NPY2R: variants seen among roughly 807,000 people sequenced by gnomAD.
NPY2R encodes neuropeptide Y receptor type 2.
In NPY2R, 17 loss-of-function variants were observed where a neutral mutation model predicts 22.3. The ratio of observed to expected loss-of-function variants is 0.76; its 90% CI spans 0.52 to 1.14. The LOEUF (loss-of-function observed/expected upper bound fraction) is 1.14, where lower values mean the gene tolerates loss of function less well. Ranked by LOEUF, NPY2R falls within the 50% of genes most tolerant of loss-of-function variation. The pLI is 0.00. For synonymous variants in NPY2R, 209 were observed against 183.4 expected, an observed-to-expected ratio of 1.14 and a Z score of -1.13; for missense variants, 424 against 467.9, an observed-to-expected ratio of 0.91 and a Z score of 0.87.
At chr4:155,190,609 A>G in the NPY2R span, among the ~76,000 whole-genome samples, 1 of 152,006 alleles carries the variant, frequency 6.6e-6, no homozygotes, top group Non-Finnish European at 1.5e-5. Context: ...TGAAATGTAT[A>G]ATTTCTGTAC....
the NPY2R span, among the ~76,000 whole-genome samples, chr4:155,199,126 A>G: frequency 6.6e-6 from 1 of 151,992 alleles, no homozygotes; most frequent in African/African-American, 2.4e-5. Flanking sequence ...AAGTGCACAC[A>G]TTGTAAATAC....
the NPY2R span, among the ~76,000 whole-genome samples, chr4:155,182,342 A>G: frequency 1.3e-5 from 2 of 152,326 alleles, no homozygotes; most frequent in East Asian, 3.9e-4. Flanking sequence ...AACTACCCCT[A>G]AAAGCAATAT....
chr4:155,174,076 AT>A, the NPY2R span: 1 of 151,916 alleles, frequency 6.6e-6, no homozygotes, highest in Non-Finnish European at 1.5e-5. Flanking sequence ...TCTGTAGGTG[AT>A]TCATTTACTC....
At chr4:155,187,972 G>A in the NPY2R span, among the ~76,000 whole-genome samples, 1 of 152,090 alleles carries the variant, frequency 6.6e-6, no homozygotes, top group Non-Finnish European at 1.5e-5. Flanking sequence ...TCAACAGTGA[G>A]CAGAATGAAG....
chr4:155,214,817 T>C lies in NPY2R; in HGVS notation c.878T>C (p.Ile293Thr), dbSNP rs773802157. The C allele has an allele frequency of 7.4e-6, 12 of 1,611,994 alleles. No homozygotes were observed. The highest frequency in any genetic ancestry group is 1.1e-5 in the South Asian group (1 of 90,976). ...CATGCCTTCCAGCTTGCCGTTGACA[T>C]TGACAGCCAGGTCCTGGACCTGAAG... ...PLHAFQLAVD[I>T]DSQVLDLKEY... The change falls in exon 2 of 2, where the codon ATT (isoleucine) becomes ACT (threonine). Residue 293 changes from isoleucine to threonine, a missense_variant. Physicochemically the swap from Ile to Thr is moderately conservative, Grantham distance 89. Coordinates refer to ENST00000329476, the MANE Select transcript of NPY2R (RefSeq NM_000910.4).
the NPY2R span, among the ~76,000 whole-genome samples, chr4:155,194,998 A>AT: frequency 5.9e-5 from 9 of 151,788 alleles, no homozygotes; most frequent in South Asian, 8.3e-4. Flanking sequence ...CATTTTGGGC[A>AT]TTTTTTTCAC....
At chr4:155,191,734 C>A in the NPY2R span, among the ~76,000 whole-genome samples, 3 of 151,852 alleles carry the variant, frequency 2.0e-5, no homozygotes, top group African/African-American at 7.2e-5. Flanking sequence ...CTTTGCTGGA[C>A]TAAATTTATG....
the NPY2R span, among the ~76,000 whole-genome samples, chr4:155,179,527 G>A: frequency 6.6e-6 from 1 of 152,082 alleles, no homozygotes; most frequent in Non-Finnish European, 1.5e-5. Context: ...AGCAATTTAG[G>A]ATCTTCACTG....
the NPY2R span, among the ~76,000 whole-genome samples, chr4:155,196,457 C>A: frequency 8.6e-5 from 13 of 151,826 alleles, no homozygotes; most frequent in African/African-American, 3.1e-4. Flanking sequence ...ATCATGGGCT[C>A]AACGGGACTG....
intron 1 of NPY2R, 60 bp downstream of exon 1, chr4:155,209,129 C>A (rs1729348426): frequency 6.6e-6 from 1 of 152,244 alleles, no homozygotes; most frequent in African/African-American, 2.4e-5. Context: ...TAGAGGAGCG[C>A]TCGGTTCCTA....
the NPY2R span, among the ~76,000 whole-genome samples, chr4:155,175,842 G>GA: frequency 6.6e-6 from 1 of 151,580 alleles, no homozygotes; most frequent in African/African-American, 2.4e-5. Context: ...AGAAAGAAAA[G>GA]AAAAAAGAGA....
At chr4:155,210,566 G>A (rs1353845536) in intron 1 of NPY2R, among the ~76,000 whole-genome samples, 1 of 152,118 alleles carries the variant, frequency 6.6e-6, no homozygotes, top group Non-Finnish European at 1.5e-5. Flanking sequence ...CTCTTTCTTA[G>A]TCTAGGGGAT....
the NPY2R span, among the ~76,000 whole-genome samples, chr4:155,188,660 G>A: frequency 1.3e-5 from 2 of 152,200 alleles, no homozygotes; most frequent in Non-Finnish European, 2.9e-5. Flanking sequence ...AGACCTATGT[G>A]ACAAGGGACT....
rs10213087 is a variant in NPY2R, at chr4:155,211,497, A to T, written c.-48-2395A>T. Among the ~76,000 whole-genome samples, 1,475 of 152,296 alleles carry T rather than the reference A, an allele frequency of 9.7e-3. 23 individuals carry two copies. The highest frequency in any genetic ancestry group is 0.034 in the African/African-American group (1,410 of 41,562). On this transcript the variant is annotated intron_variant, in intron 1 of 1. Coordinates refer to ENST00000329476, the MANE Select transcript of NPY2R (RefSeq NM_000910.4). ...GAGGCCAGAGGGATATGCAGGGATG[A>T]GTTCAAGAAAAGCCTCGAATGTCAG...
At chr4:155,205,410 A>C (rs906209025), upstream of NPY2R, among the ~76,000 whole-genome samples, 1 of 152,238 alleles carries the variant, frequency 6.6e-6, no homozygotes, top group Non-Finnish European at 1.5e-5. Flanking sequence ...AAATGAAATT[A>C]CAGTGCAGGA....
chr4:155,197,067 A>C, the NPY2R span, among the ~76,000 whole-genome samples: 1 of 152,002 alleles, frequency 6.6e-6, no homozygotes, highest in Admixed American at 6.6e-5. Context: ...ATTCAAAAAG[A>C]AAGATGAAGA....
chr4:155,183,118 T>G, the NPY2R span, among the ~76,000 whole-genome samples: 34 of 152,272 alleles, frequency 2.2e-4, no homozygotes, highest in South Asian at 2.9e-3. Flanking sequence ...TATTAATCTG[T>G]TAAACCATAA....
the NPY2R span, among the ~76,000 whole-genome samples, chr4:155,193,488 G>A: frequency 6.6e-6 from 1 of 151,920 alleles, no homozygotes; most frequent in South Asian, 2.1e-4. Flanking sequence ...GGGATCCAAG[G>A]AGAAATGGAA....
Position 155,214,150 on chromosome 4 carries a change from G to T in NPY2R, c.211G>T (p.Val71Leu). 1 of 1,613,770 alleles carries T rather than the reference G, an allele frequency of 6.2e-7. No homozygotes were observed. The highest frequency in any genetic ancestry group is 8.5e-7 in the Non-Finnish European group (1 of 1,179,690). ...GCTTGGGGTAATTGGCAACTCCTTG[G>T]TGATCCATGTGGTGATCAAATTCAA... ...ILLGVIGNSLVIHVVIKFKSM... is the reference protein window; with the variant it reads ...ILLGVIGNSLLIHVVIKFKSM... Residue 71 changes from valine (V) to leucine (L), a missense_variant, in exon 2 of 2, where the codon GTG becomes TTG. By Grantham distance (32) the Val-to-Leu change is conservative (BLOSUM62 1). Coordinates refer to ENST00000329476, the MANE Select transcript of NPY2R (RefSeq NM_000910.4).
Sources: gnomAD v4.1 joint callset for allele counts (sites outside exome capture counted in the v4.1 genomes callset) on GRCh38, gnomAD v4.1.1 for gene constraint, MANE v1.5 for transcripts, NCBI Gene and HGNC (gene_info 2026-07-23, HGNC 2026-07-21) for gene names.